The following LRRC28 variants were observed in gnomAD, a reference collection of about 807,000 sequenced individuals.
LRRC28 encodes leucine rich repeat containing 28.
In LRRC28, 39 loss-of-function variants were observed where a neutral mutation model predicts 45.7. The observed-to-expected ratio is 0.85, with a 90% CI of 0.66 to 1.12. LRRC28 has a LOEUF of 1.12. Among genes scored for constraint, LRRC28 ranks in the 50% most tolerant of loss-of-function variants. The pLI, the probability that LRRC28 is intolerant of heterozygous loss-of-function variation, is 0.00. For missense variants in LRRC28, 435 were observed against 438.5 expected (o/e 0.99, Z 0.07); for synonymous variants, 206 against 178.8 (o/e 1.15, Z -1.22).
chr15:99,367,065 C>T (rs919332221), intron 9 of LRRC28, among the ~76,000 whole-genome samples: 2 of 152,182 alleles, frequency 1.3e-5, no homozygotes, highest in Non-Finnish European at 2.9e-5. Context: ...CACTATCTTA[C>T]TGGAGATAGC....
intron 3 of LRRC28, among the ~76,000 whole-genome samples, chr15:99,283,333 G>A (rs2081861918): frequency 6.6e-6 from 1 of 150,574 alleles, no homozygotes; most frequent in South Asian, 2.1e-4. Context: ...CATGGTACAG[G>A]CCAGGCATGG....
chr15:99,358,049 G>A (rs1957094831), intron 7 of LRRC28, among the ~76,000 whole-genome samples: 1 of 152,052 alleles, frequency 6.6e-6, no homozygotes, highest in Non-Finnish European at 1.5e-5. Flanking sequence ...TGAATACCTA[G>A]AAAACTCAAG....
At chr15:99,317,012 T>C (rs1955619149) in intron 5 of LRRC28, among the ~76,000 whole-genome samples, 2 of 151,830 alleles carry the variant, frequency 1.3e-5, no homozygotes, top group South Asian at 2.1e-4. Context: ...TTTTTTTTTT[T>C]TTGGAGAGGT....
intron 5 of LRRC28, among the ~76,000 whole-genome samples, chr15:99,288,534 A>C (rs542236398): frequency 2.0e-5 from 3 of 151,496 alleles, no homozygotes; most frequent in Non-Finnish European, 4.4e-5. Flanking sequence ...GGCGCGTGCC[A>C]CCACACCCAG....
In LRRC28 at chr15:99,331,330, C is replaced by T. The variant is rs536488704; in HGVS notation, c.386-2593C>T. The stretch of plus-strand genomic sequence containing the variant: ...TTTTTCTATAAAAATAAATTTTTAG[C>T]ATTGGCATCAGCACACTTAGAGTGT... On this transcript the variant is annotated intron_variant, in intron 5 of 9. Coordinates refer to ENST00000301981, the MANE Select transcript of LRRC28 (RefSeq NM_144598.5). Among the ~76,000 whole-genome samples, 4 of 152,194 alleles carry T rather than the reference C, an allele frequency of 2.6e-5. No homozygotes were observed. In the East Asian group the frequency reaches 7.7e-4, roughly 29 times the overall value.
At chr15:99,285,018 C>G in intron 3 of LRRC28, 2 of 648,662 alleles carry the variant, frequency 3.1e-6, no homozygotes, top group Admixed American at 3.6e-5. Context: ...GGATGAAGCA[C>G]TAGCCATCTC....
intron 5 of LRRC28, among the ~76,000 whole-genome samples, chr15:99,309,236 T>C (rs1214571392): frequency 6.6e-6 from 1 of 152,228 alleles, no homozygotes; most frequent in African/African-American, 2.4e-5. Context: ...GCAGGTTCTT[T>C]GGCTGATGAA....
At chr15:99,372,545 CAACAAGCAGATACA>C (rs1474520782) in intron 9 of LRRC28, among the ~76,000 whole-genome samples, 134 of 152,254 alleles carry the variant, frequency 8.8e-4, no homozygotes, top group African/African-American at 3.1e-3. Context: ...ATTATTAATA[CAACAAGCAGATACA>C]ATATGTTATT....
chr15:99,358,719 T>C (rs1340517073), intron 7 of LRRC28, among the ~76,000 whole-genome samples: 2 of 147,174 alleles, frequency 1.4e-5, no homozygotes, highest in African/African-American at 5.0e-5. Flanking sequence ...TATTTTTCCA[T>C]TTGGAAAAAA....
Position 99,283,564 on chromosome 15 carries a change from A to G in LRRC28, c.210-3693A>G, listed in dbSNP as rs746068858. Among the ~76,000 whole-genome samples the G allele has an allele frequency of 5.4e-5, 8 of 146,952 alleles. No homozygotes were observed. In the South Asian group the frequency reaches 1.8e-3, roughly 33 times the overall value. ...CCAGGAGGCAGAGGTTGCAGTGAGC[A>G]GAGATCGAGCCACGGCACTCTAGCC... is the stretch of plus-strand genomic sequence containing the variant. On this transcript the variant is annotated intron_variant, in intron 3 of 9. Transcript: ENST00000301981.
At chr15:99,300,540 C>G (rs2082370700) in intron 5 of LRRC28, among the ~76,000 whole-genome samples, 1 of 151,984 alleles carries the variant, frequency 6.6e-6, no homozygotes, top group Non-Finnish European at 1.5e-5. Flanking sequence ...AAGGTATGCA[C>G]AATTGGCCGG....
Position 99,386,776 on chromosome 15 carries a change from A to G in LRRC28, c.*674A>G, listed in dbSNP as rs1475223821. The G allele has an allele frequency of 6.6e-6, 1 of 152,216 alleles. No homozygotes were observed. The highest frequency in any genetic ancestry group is 6.5e-5 in the Admixed American group (1 of 15,284). 9.4% of individuals were successfully genotyped at this position (152,216 alleles called of 1,614,324 possible). ...AAAAATGTAGATTGTAATGAAATAC[A>G]CTTCCTGTTTTTTAAAAGTGTTTGC... On this transcript the variant is annotated 3_prime_UTR_variant, in exon 10 of 10. Coordinates refer to ENST00000301981, the MANE Select transcript of LRRC28 (RefSeq NM_144598.5).
intron 9 of LRRC28, among the ~76,000 whole-genome samples, chr15:99,372,186 C>T (rs1053715874): frequency 6.6e-6 from 1 of 152,124 alleles, no homozygotes; most frequent in South Asian, 2.1e-4. Context: ...CAGAAAAAAT[C>T]GCACATTTCT....
At chr15:99,294,633 T>A (rs980624738) in intron 5 of LRRC28, among the ~76,000 whole-genome samples, 2 of 152,312 alleles carry the variant, frequency 1.3e-5, no homozygotes, top group African/African-American at 4.8e-5. Context: ...TGTTCTCATG[T>A]GGTAGAATGG....
intron 3 of LRRC28, chr15:99,286,569 T>G (rs933459943): frequency 3.3e-5 from 5 of 152,250 alleles, no homozygotes; most frequent in African/African-American, 1.2e-4. Context: ...CTTGTTTTGC[T>G]CTGAATAGTT....
intron 2 of LRRC28, among the ~76,000 whole-genome samples, chr15:99,267,327 G>A (rs1188269599): frequency 6.6e-6 from 1 of 152,190 alleles, no homozygotes; most frequent in Non-Finnish European, 1.5e-5. Flanking sequence ...AGAACACCCT[G>A]AGGGGAAAAA....
In LRRC28 at chr15:99,371,798, A is replaced by G. The variant is rs985630710; in HGVS notation, c.1031+8533A>G. On this transcript the variant is annotated intron_variant, in intron 9 of 9. Coordinates refer to ENST00000301981, the MANE Select transcript of LRRC28 (RefSeq NM_144598.5). ...CTGTTTCTTCCTCCTTACAACATTCAAAAATTATTTGTTGACCATCTGTCA... is the reference window on the plus strand; with the variant it reads ...CTGTTTCTTCCTCCTTACAACATTCGAAAATTATTTGTTGACCATCTGTCA... Among the ~76,000 whole-genome samples, 5 of 152,328 alleles carry G rather than the reference A, an allele frequency of 3.3e-5. 1 individual carries two copies. The highest frequency in any genetic ancestry group is 3.9e-4 in the East Asian group (2 of 5,184).
At chr15:99,274,760 GTTATGTAGTTATAGCAGAATGGA>G (rs1223217366) in intron 2 of LRRC28, among the ~76,000 whole-genome samples, 5 of 152,172 alleles carry the variant, frequency 3.3e-5, no homozygotes, top group African/African-American at 1.2e-4. Context: ...CGGGAGTGCT[GTTATGTAGTTATAGCAGAATGGA>G]TTGTATTTGC....
intron 7 of LRRC28, among the ~76,000 whole-genome samples, chr15:99,357,061 C>G (rs1332888562): frequency 6.6e-6 from 1 of 152,142 alleles, no homozygotes; most frequent in East Asian, 1.9e-4. Context: ...CTTCCCTTTC[C>G]TTTTACTTTT....
Sources: allele counts gnomAD v4.1 joint callset (sites outside exome capture counted in the v4.1 genomes callset), GRCh38; gene constraint gnomAD v4.1.1; transcripts MANE v1.5; gene names NCBI Gene and HGNC (gene_info 2026-07-23, HGNC 2026-07-21).